The following PIK3CD variants were observed in gnomAD, a reference collection of about 807,000 sequenced individuals.
The protein encoded by PIK3CD is phosphatidylinositol-4,5-bisphosphate 3-kinase catalytic subunit delta.
In PIK3CD, 20 loss-of-function variants were observed where a neutral mutation model predicts 122.9. The observed-to-expected ratio is 0.16, with a 90% CI of 0.11 to 0.24. The LOEUF (loss-of-function observed/expected upper bound fraction) is 0.24, where lower values mean the gene tolerates loss of function less well. Ranked by LOEUF, PIK3CD falls within the 10% of genes least tolerant of loss-of-function variation. The probability of loss-of-function intolerance (pLI) is 1.00; values close to 1 mark genes in which losing one functional copy is unlikely to be tolerated. For missense variants in PIK3CD, 787 were observed against 1,406.3 expected (o/e 0.56, Z 7.04); for synonymous variants, 596 against 593.4 (o/e 1.00, Z -0.06).
Position 9,723,019 on chromosome 1 carries a change from G to A in PIK3CD, c.2427-106G>A. 9.0e-7 allele frequency: 1 copy of A among 1,115,386 alleles called. No individual in the cohort carries two copies. The highest frequency in any genetic ancestry group is 2.3e-5 in the East Asian group (1 of 42,632). The allele number at this position is 1,115,386 out of a possible 1,614,324, so 69.1% of individuals were successfully genotyped here. On this transcript the variant is annotated intron_variant, in intron 19 of 23. Transcript: ENST00000377346. This position sits in a 1 kb window ranked among gnomAD's most constrained non-coding sequence, Gnocchi z 4.9. ...CTGCTTTTTAGCAATGTGGGCAGCA[G>A]CATCTTCTGTGGCTTTTTGGGGCAC... is the stretch of plus-strand genomic sequence containing the variant.
At chr1:9,657,355 A>G (rs1644887372) in intron 1 of PIK3CD, among the ~76,000 whole-genome samples, 1 of 152,146 alleles carries the variant, frequency 6.6e-6, no homozygotes, top group Non-Finnish European at 1.5e-5. Context: ...CAGCCCGCTT[A>G]CAGATAAACA....
the PIK3CD span, among the ~76,000 whole-genome samples, chr1:9,640,517 T>A: frequency 4.6e-5 from 7 of 151,506 alleles, 1 homozygote; most frequent in East Asian, 1.4e-3. Flanking sequence ...AGGCGGAAGT[T>A]GTAGTGAGCC....
the PIK3CD span, among the ~76,000 whole-genome samples, chr1:9,627,941 C>T: frequency 6.6e-6 from 1 of 152,204 alleles, no homozygotes; most frequent in East Asian, 1.9e-4. Flanking sequence ...AATGGAGGAA[C>T]CATGGAGGCA....
At position 9,717,294 on chromosome 1, in the gene PIK3CD, G is replaced by C. The variant is rs921299647; in HGVS notation, c.930+186G>C. On this transcript the variant is annotated intron_variant, in intron 7 of 23. Transcript: ENST00000377346. This position sits in a 1 kb window ranked among gnomAD's most constrained non-coding sequence, Gnocchi z 5.4. ...GCCTGTGGGACTGCCGTGGGTGGGG[G>C]GCAGCCCCATGCCTGGCTCACCGGC... is the stretch of plus-strand genomic sequence containing the variant. Among the ~76,000 whole-genome samples the C allele has an allele frequency of 3.9e-5, 6 of 152,210 alleles. No homozygotes were observed. The highest frequency in any genetic ancestry group is 8.8e-5 in the Non-Finnish European group (6 of 68,026).
chr1:9,647,329 G>A (rs1296421554), upstream of PIK3CD, among the ~76,000 whole-genome samples: 4 of 151,904 alleles, frequency 2.6e-5, no homozygotes, highest in Non-Finnish European at 5.9e-5. Context: ...GGGAGACAGA[G>A]GTTGCAGTGA....
chr1:9,702,740 C>T (rs532553563), intron 2 of PIK3CD, among the ~76,000 whole-genome samples: 10 of 151,756 alleles, frequency 6.6e-5, no homozygotes, highest in South Asian at 4.2e-4. Flanking sequence ...AGGCTGGTTT[C>T]GAACTCCTGA....
chr1:9,724,406 G>A lies in PIK3CD; in HGVS notation c.2849G>A (p.Ser950Asn). 6.2e-7 allele frequency: 1 copy of A among 1,614,094 alleles called. No homozygotes were observed. The highest frequency in any genetic ancestry group is 8.5e-7 in the Non-Finnish European group (1 of 1,180,042). ...HVIQQGKTNN[S>N]EKFERFRGYC... ...ATTCAGCAGGGGAAGACTAATAATA[G>A]TGAGAAATTTGAACGGTGAGAGTGC... The change falls in exon 22 of 24, where the codon AGT becomes AAT. Residue 950 changes from serine (S) to asparagine (N), a missense_variant. Physicochemically the swap from Ser to Asn is conservative, Grantham distance 46. This residue lies in a region of PIK3CD where 60 missense variants were observed against 129.5 expected (regional missense o/e 0.46). Transcript: ENST00000377346. This position sits in a 1 kb window ranked among gnomAD's most constrained non-coding sequence, Gnocchi z 7.3.
Position 9,721,970 on chromosome 1 carries a change from A to C in PIK3CD, c.2056-5A>C. The C allele has an allele frequency of 6.2e-7, 1 of 1,613,472 alleles. No individual in the cohort carries two copies. Among genetic ancestry groups the C allele is most frequent in the Non-Finnish European group, 8.5e-7 (1 of 1,179,966 alleles). ...CCCACCGCCGCCCTCCCATCTGCCC[A>C]CCAGGGGGAAGCACTGAGCAAACTG... On this transcript the variant is annotated splice_polypyrimidine_tract_variant and splice_region_variant and intron_variant, in intron 16 of 23. Transcript: ENST00000377346.
chr1:9,716,136 T>G (rs1647385939), intron 5 of PIK3CD, 58 bp downstream of exon 5: 1 of 1,368,206 alleles, frequency 7.3e-7, no homozygotes, highest in African/African-American at 1.4e-5. Context: ...GAGCACTTCC[T>G]CTGTGAAACT....
In PIK3CD at chr1:9,717,463, CG is replaced by C; in HGVS notation, c.931-71del. 1 of 1,447,980 alleles carries C rather than the reference CG, an allele frequency of 6.9e-7. No homozygotes were observed. Among genetic ancestry groups the C allele is most frequent in the African/African-American group, 1.4e-5 (1 of 71,968 alleles). 89.7% of individuals were successfully genotyped at this position (1,447,980 alleles called of 1,614,324 possible). A position where few individuals can be genotyped will look rare whatever the true frequency, so the allele number is the denominator to read the frequency against. On this transcript the variant is annotated intron_variant, in intron 7 of 23. Coordinates refer to ENST00000377346, the MANE Select transcript of PIK3CD (RefSeq NM_005026.5). This position sits in a 1 kb window ranked among gnomAD's most constrained non-coding sequence, Gnocchi z 5.4. ...CCTCTCACCCGCCCCCAAGTGGTCA[CG>C]GGCCTCACCATAGGCCAGGGAGACA...
intron 2 of PIK3CD, among the ~76,000 whole-genome samples, chr1:9,707,938 T>C (rs1316467642): frequency 6.7e-6 from 1 of 148,238 alleles, no homozygotes; most frequent in Non-Finnish European, 1.5e-5. Context: ...GGACTATGGG[T>C]GCCCGCCACC....
chr1:9,660,497 G>C lies in PIK3CD; in HGVS notation c.-138+8695G>C, dbSNP rs186982194. ...CTTCATAACCTACGCATCCTTTTTA[G>C]TGGCAGTGTAAGTGCCATTGAGCTG... On this transcript the variant is annotated intron_variant, in intron 1 of 23. Coordinates refer to ENST00000377346, the MANE Select transcript of PIK3CD (RefSeq NM_005026.5). 1.5e-3 allele frequency among the ~76,000 whole-genome samples: 228 copies of C among 152,244 alleles called. 1 individual carries two copies. The highest frequency in any genetic ancestry group is 3.8e-3 in the African/African-American group (156 of 41,544).
At chr1:9,654,381 T>C (rs767744453) in intron 1 of PIK3CD, 1 of 1,367,630 alleles carries the variant, frequency 7.3e-7, no homozygotes, top group Admixed American at 1.9e-5. Flanking sequence ...TTTCCTGAGA[T>C]CACACGGGGT....
At chr1:9,631,341 A>C in the PIK3CD span, among the ~76,000 whole-genome samples, 1 of 152,238 alleles carries the variant, frequency 6.6e-6, no homozygotes, top group South Asian at 2.1e-4. Flanking sequence ...TCATGGGTAC[A>C]TGACAAAGGA....
chr1:9,659,460 T>C (rs1259857497), intron 1 of PIK3CD, among the ~76,000 whole-genome samples: 2 of 152,194 alleles, frequency 1.3e-5, no homozygotes, highest in African/African-American at 4.8e-5. Flanking sequence ...TACACTATTG[T>C]GCAACCGTCA....
chr1:9,635,713 T>C, the PIK3CD span, among the ~76,000 whole-genome samples: 1 of 152,264 alleles, frequency 6.6e-6, no homozygotes, highest in Admixed American at 6.5e-5. Context: ...GCCATAGCAC[T>C]GTGCTCTTGC....
intron 1 of PIK3CD, among the ~76,000 whole-genome samples, chr1:9,676,637 C>T (rs1177984943): frequency 6.6e-6 from 1 of 152,226 alleles, no homozygotes; most frequent in African/African-American, 2.4e-5. Context: ...AGTGCACTGG[C>T]CTGGGAGAGG....
At position 9,724,750 on chromosome 1, in the gene PIK3CD, T is replaced by G; in HGVS notation, c.2865-54T>G. Reference sequence around the variant, plus strand: ...GCTGGTTGGATGCAGAGCGGCCCTCTGGCCTGTGGCTGGGAGTTCCCAGAG... The same window carrying G: ...GCTGGTTGGATGCAGAGCGGCCCTCGGGCCTGTGGCTGGGAGTTCCCAGAG... On this transcript the variant is annotated intron_variant, in intron 22 of 23. Coordinates refer to ENST00000377346, the MANE Select transcript of PIK3CD (RefSeq NM_005026.5). This position sits in a 1 kb window ranked among gnomAD's most constrained non-coding sequence, Gnocchi z 7.3. 6.2e-7 allele frequency: 1 copy of G among 1,610,938 alleles called. No individual in the cohort carries two copies. Among genetic ancestry groups the G allele is most frequent in the Non-Finnish European group, 8.5e-7 (1 of 1,179,242 alleles).
Position 9,717,981 on chromosome 1 carries a change from C to T in PIK3CD, c.1020+355C>T, listed in dbSNP as rs570938920. Among the ~76,000 whole-genome samples the T allele has an allele frequency of 6.6e-6, 1 of 152,218 alleles. No individual in the cohort carries two copies. The highest frequency in any genetic ancestry group is 2.1e-4 in the South Asian group (1 of 4,826). On this transcript the variant is annotated intron_variant, in intron 8 of 23. Coordinates refer to ENST00000377346, the MANE Select transcript of PIK3CD (RefSeq NM_005026.5). The surrounding 1 kb of genome is among the most constrained non-coding windows in gnomAD (Gnocchi z 5.4). ...TCCAGCTGGGCTGGGGGCTGTGGTG[C>T]TCCCTGGAGGCACCAGGGCGGTGCC... is the stretch of plus-strand genomic sequence containing the variant.
Sources: gnomAD v4.1 joint callset for allele counts (sites outside exome capture counted in the v4.1 genomes callset) on GRCh38, gnomAD v4.1.1 for gene constraint, gnomAD v4.1.1 regional missense constraint, Gnocchi (gnomAD v3.1) non-coding constraint, MANE v1.5 for transcripts, NCBI Gene and HGNC (gene_info 2026-07-23, HGNC 2026-07-21) for gene names.